Variants in MBNL2 observed in about 807,000 individuals in gnomAD.
MBNL2 encodes the protein muscleblind like splicing regulator 2.
In MBNL2, 17 loss-of-function variants were observed where a neutral mutation model predicts 41.9. The observed-to-expected ratio is 0.41, with a 90% CI of 0.28 to 0.61. The LOEUF (loss-of-function observed/expected upper bound fraction) is 0.61. Ranked by LOEUF, MBNL2 falls within the 20% of genes least tolerant of loss-of-function variation. The pLI, the probability that MBNL2 is intolerant of heterozygous loss-of-function variation, is 0.35. For synonymous variants in MBNL2, 195 were observed against 182.9 expected, an observed-to-expected ratio of 1.07 and a Z score of -0.53; for missense variants, 336 against 505.6, an observed-to-expected ratio of 0.66 and a Z score of 3.22.
chr13:97,322,942 T>C (rs2059624339), intron 2 of MBNL2, among the ~76,000 whole-genome samples: 1 of 152,222 alleles, frequency 6.6e-6, no homozygotes, highest in South Asian at 2.1e-4. Context: ...CTGTGTGGGC[T>C]TAACTCTTTG....
chr13:97,295,140 A>T (rs9513228), intron 2 of MBNL2, among the ~76,000 whole-genome samples: 14,903 of 152,220 alleles, frequency 0.098, 863 homozygotes, highest in African/African-American at 0.15. Context: ...AGTTAGCACA[A>T]TGAAGAGGAA....
chr13:97,319,735 T>A (rs1234971302), intron 2 of MBNL2, among the ~76,000 whole-genome samples: 1 of 152,200 alleles, frequency 6.6e-6, no homozygotes, highest in Admixed American at 6.5e-5. Context: ...AATACAAAAA[T>A]TATCCCAACA....
At chr13:97,183,478 C>T in the MBNL2 span, among the ~76,000 whole-genome samples, 7 of 152,214 alleles carry the variant, frequency 4.6e-5, no homozygotes, top group Non-Finnish European at 7.3e-5. Context: ...ACTGATCTCT[C>T]CCTCTACCCT....
chr13:97,238,937 T>C (rs1166590540), intron 1 of MBNL2, among the ~76,000 whole-genome samples: 1 of 152,076 alleles, frequency 6.6e-6, no homozygotes, highest in Non-Finnish European at 1.5e-5. Flanking sequence ...AAACATTAGA[T>C]AAATGTGAAG....
At chr13:97,212,743 A>G in the MBNL2 span, among the ~76,000 whole-genome samples, 21 of 152,202 alleles carry the variant, frequency 1.4e-4, no homozygotes, top group Non-Finnish European at 2.5e-4. Context: ...CACTATGTAC[A>G]TATTTAATAA....
chr13:97,262,390 C>T (rs1160930930), intron 1 of MBNL2, among the ~76,000 whole-genome samples: 1 of 152,176 alleles, frequency 6.6e-6, no homozygotes, highest in Non-Finnish European at 1.5e-5. Flanking sequence ...TTCGCTACTC[C>T]CTCCTCTTGA....
At chr13:97,353,845 C>T (rs1284761829) in intron 5 of MBNL2, among the ~76,000 whole-genome samples, 1 of 151,890 alleles carries the variant, frequency 6.6e-6, no homozygotes, top group Non-Finnish European at 1.5e-5. Context: ...AGATACGTTT[C>T]GATTGTTCAG....
Position 97,268,944 on chromosome 13 carries a change from G to T in MBNL2, c.-604-6688G>T, listed in dbSNP as rs2050370400. Among the ~76,000 whole-genome samples, 1 of 152,204 alleles carries T rather than the reference G, an allele frequency of 6.6e-6. No homozygotes were observed. The highest frequency in any genetic ancestry group is 2.1e-4 in the South Asian group (1 of 4,828). ...GGGTGTCAAAAGGGAAAGGACGAAG[G>T]AGGGGGCGCTGTTCCGGATGCAGGC... On this transcript the variant is annotated intron_variant, in intron 1 of 8. Transcript: ENST00000679496. The surrounding 1 kb of genome is among the most constrained non-coding windows in gnomAD (Gnocchi z 4.6).
At chr13:97,284,206 C>CT (rs1331666532) in intron 2 of MBNL2, among the ~76,000 whole-genome samples, 4 of 152,120 alleles carry the variant, frequency 2.6e-5, no homozygotes, top group African/African-American at 9.7e-5. Flanking sequence ...TTGGTCCTTT[C>CT]TTTTTTGTTG....
chr13:97,387,997 G>A (rs914480807), intron 8 of MBNL2, among the ~76,000 whole-genome samples: 3 of 152,066 alleles, frequency 2.0e-5, no homozygotes, highest in Admixed American at 6.5e-5. Flanking sequence ...GCTGTGCCTT[G>A]GAGGTTGAGT....
chr13:97,263,078 C>T lies in MBNL2; in HGVS notation c.-604-12554C>T, dbSNP rs572972423. Among the ~76,000 whole-genome samples, 7 of 152,056 alleles carry T rather than the reference C, an allele frequency of 4.6e-5. No homozygotes were observed. In the South Asian group the frequency reaches 8.3e-4, roughly 18 times the overall value. On this transcript the variant is annotated intron_variant, in intron 1 of 8. Coordinates refer to ENST00000679496, the MANE Select transcript of MBNL2 (RefSeq NM_001382683.1). Reference sequence around the variant, plus strand: ...CTGGGATTACAGGCTTGAGCTGCCACGCTCGACCTTGAAGTCCGTTTTGAT... The same window carrying T: ...CTGGGATTACAGGCTTGAGCTGCCATGCTCGACCTTGAAGTCCGTTTTGAT...
chr13:97,392,816 AT>A lies in MBNL2; in HGVS notation c.*1368del, dbSNP rs1174904490. ...TTGTTTAAAAAACAAAACAGCTGTT[AT>A]AAATGAATATTATGTGTAATTGTTT... On this transcript the variant is annotated 3_prime_UTR_variant, in exon 9 of 9. Transcript: ENST00000679496. The A allele has an allele frequency of 6.6e-6, 1 of 152,510 alleles. No individual in the cohort carries two copies. Among genetic ancestry groups the A allele is most frequent in the African/African-American group, 2.4e-5 (1 of 41,450 alleles). The allele number at this position is 152,510 out of a possible 1,614,324, so 9.4% of individuals were successfully genotyped here.
intron 7 of MBNL2, among the ~76,000 whole-genome samples, chr13:97,360,632 G>A (rs1037259975): frequency 5.3e-5 from 8 of 152,118 alleles, no homozygotes; most frequent in Non-Finnish European, 1.0e-4. Flanking sequence ...TGGCAGGCAC[G>A]GTTATTTGCA....
At chr13:97,147,599 A>AT in the MBNL2 span, among the ~76,000 whole-genome samples, 15 of 152,270 alleles carry the variant, frequency 9.9e-5, no homozygotes, top group African/African-American at 3.6e-4. Context: ...GATATTTGGT[A>AT]TTGTAAAAAT....
the MBNL2 span, among the ~76,000 whole-genome samples, chr13:97,159,454 T>A: frequency 6.6e-6 from 1 of 152,038 alleles, no homozygotes; most frequent in Non-Finnish European, 1.5e-5. Context: ...GTTAGCTGGT[T>A]ATTTTGCTCG....
chr13:97,222,680 TTTTGA>T (rs2040986383), intron 1 of MBNL2, 149 bp downstream of exon 1: 1 of 390,378 alleles, frequency 2.6e-6, no homozygotes, highest in African/African-American at 2.1e-5. Flanking sequence ...TTACGTAACA[TTTTGA>T]TTTGAGAAAA....
intron 1 of MBNL2, among the ~76,000 whole-genome samples, chr13:97,235,717 C>A (rs138109204): frequency 6.6e-6 from 1 of 152,264 alleles, no homozygotes; most frequent in East Asian, 1.9e-4. Flanking sequence ...GTGCTGTTGT[C>A]CGAACCCTCT....
rs1007996508 is a variant in MBNL2 at position 97,367,313 on chromosome 13, T to C, written c.1048+2142T>C. Among the ~76,000 whole-genome samples, 9 of 152,180 alleles carry C rather than the reference T, an allele frequency of 5.9e-5. No homozygotes were observed. The East Asian group carries it at 1.5e-3, about 26-fold the overall frequency. On this transcript the variant is annotated intron_variant, in intron 8 of 8. Transcript: ENST00000679496. ...CCTAGCCTCCCAACTTGCAAACATG[T>C]GCTCCTAGCCACAAGGAGACAGCGT...
intron 4 of MBNL2, among the ~76,000 whole-genome samples, chr13:97,344,351 T>A (rs2061669043): frequency 6.6e-6 from 1 of 152,186 alleles, no homozygotes; most frequent in African/African-American, 2.4e-5. Flanking sequence ...TCTCATAGAT[T>A]TTTCAGAGAG....
Sources: allele counts gnomAD v4.1 joint callset (sites outside exome capture counted in the v4.1 genomes callset), GRCh38; gene constraint gnomAD v4.1.1; non-coding constraint Gnocchi (gnomAD v3.1); transcripts MANE v1.5; gene names NCBI Gene and HGNC (gene_info 2026-07-23, HGNC 2026-07-21).